The following DNAH10 variants were observed in gnomAD, a reference collection of about 807,000 sequenced individuals.
DNAH10 encodes axonemal beta dynein heavy chain 10.
A neutral mutation model predicts 506.6 loss-of-function variants in DNAH10; 348 were observed. The observed-to-expected ratio is 0.69, with a 90% CI of 0.63 to 0.75. The LOEUF is 0.75. DNAH10 is among the 30% of genes least tolerant of loss of function. The probability of loss-of-function intolerance (pLI) is 0.00; values close to 1 mark genes in which losing one functional copy is unlikely to be tolerated. For missense variants in DNAH10, 5,179 were observed against 5,787.1 expected (o/e 0.89, Z 3.41); for synonymous variants, 2,059 against 2,198.6 (o/e 0.94, Z 1.78).
intron 18 of DNAH10, among the ~76,000 whole-genome samples, chr12:123,807,131 TCATC>T (rs1037747667): frequency 6.6e-6 from 1 of 151,880 alleles, no homozygotes; most frequent in Non-Finnish European, 1.5e-5. Flanking sequence ...CATCCATCCA[TCATC>T]CATCCATCCA....
At chr12:123,857,458 A>C (rs1192147564) in intron 37 of DNAH10, among the ~76,000 whole-genome samples, 1 of 152,256 alleles carries the variant, frequency 6.6e-6, no homozygotes, top group Non-Finnish European at 1.5e-5. Flanking sequence ...GGCCGGGCAC[A>C]GTGGCTTACG....
chr12:123,911,910 T>C (rs1374669324), intron 59 of DNAH10, among the ~76,000 whole-genome samples: 1 of 15,608 alleles, frequency 6.4e-5, no homozygotes, highest in Non-Finnish European at 1.2e-4. Context: ...CCGGGGGGTC[T>C]GTCCCGGGGG....
intron 21 of DNAH10, among the ~76,000 whole-genome samples, chr12:123,815,538 G>A (rs1299137956): frequency 6.6e-6 from 1 of 152,054 alleles, no homozygotes; most frequent in Non-Finnish European, 1.5e-5. Flanking sequence ...AGGAATTCCT[G>A]TACGAGGCTG....
rs761638565 is a variant in DNAH10 at position 123,879,659 on chromosome 12, T to C, written c.8492T>C (p.Val2831Ala). 4 of 1,614,032 alleles carry C rather than the reference T, an allele frequency of 2.5e-6. No homozygotes were observed. The South Asian group carries it at 3.3e-5, about 13-fold the overall frequency. Reference sequence around the variant, plus strand: ...GTACAACAGCACATAGGCAGCTTGGTTGTGGAACATTTTAAAGATGACGTG... The same window carrying C: ...GTACAACAGCACATAGGCAGCTTGGCTGTGGAACATTTTAAAGATGACGTG... ...QLVQQHIGSLVVEHFKDDVEV... is the reference protein window; with the variant it reads ...QLVQQHIGSLAVEHFKDDVEV... The change falls in exon 50 of 79, where the codon GTT (valine) becomes GCT (alanine). Residue 2831 changes from valine to alanine, a missense_variant. By Grantham distance (64) the Val-to-Ala change is moderately conservative. This residue lies in a region of DNAH10 where 4,844 missense variants were observed against 5,430.5 expected (regional missense o/e 0.89). Coordinates refer to ENST00000673944, the MANE Select transcript of DNAH10 (RefSeq NM_001372106.1).
chr12:123,791,688 C>T (rs554635146), intron 11 of DNAH10, among the ~76,000 whole-genome samples: 19 of 152,078 alleles, frequency 1.2e-4, no homozygotes, highest in South Asian at 4.2e-4. Context: ...GTGATCCTTC[C>T]GCCTCAGCCT....
intron 43 of DNAH10, among the ~76,000 whole-genome samples, chr12:123,868,406 A>T (rs1340892220): frequency 6.6e-6 from 1 of 151,972 alleles, no homozygotes; most frequent in African/African-American, 2.4e-5. Context: ...TAAACTTTTC[A>T]CATTCTGCAT....
chr12:123,886,238 G>A (rs904955769), intron 51 of DNAH10, among the ~76,000 whole-genome samples: 1 of 152,176 alleles, frequency 6.6e-6, no homozygotes, highest in Non-Finnish European at 1.5e-5. Context: ...ACAGCAGAGA[G>A]GATGTTGAGG....
intron 58 of DNAH10, 99 bp from the exon 59 acceptor site, chr12:123,910,437 C>T (rs1168759986): frequency 4.1e-5 from 59 of 1,447,080 alleles, no homozygotes; most frequent in Non-Finnish European, 5.2e-5. Flanking sequence ...GCTCACAGGG[C>T]CACTGAAGAA....
chr12:123,845,726 T>C lies in DNAH10; in HGVS notation c.5487T>C (p.Tyr1829=), dbSNP rs752303608. 2 of 1,613,296 alleles carry C rather than the reference T, an allele frequency of 1.2e-6. No homozygotes were observed. The highest frequency in any genetic ancestry group is 2.2e-5 in the South Asian group (2 of 90,986). The change falls in exon 31 of 79, where the codon TAT becomes TAC. Residue 1829 remains tyrosine, a synonymous_variant. Coordinates refer to ENST00000673944, the MANE Select transcript of DNAH10 (RefSeq NM_001372106.1). ...QKGEKQAMKN[Y]GRKMHRQIDE... is the part of the protein sequence containing the mutation. ...GGGAGAAGCAGGCCATGAAGAACTA[T>C]GGCAGGAAAATGCACCGGCAGATCG...
Position 123,893,241 on chromosome 12 carries a change from C to T in DNAH10, c.9004C>T (p.Pro3002Ser), listed in dbSNP as rs369864472. The T allele has an allele frequency of 1.7e-5, 28 of 1,613,826 alleles. No individual in the cohort carries two copies. The highest frequency in any genetic ancestry group is 2.4e-5 in the Non-Finnish European group (28 of 1,179,860). The change falls in exon 53 of 79, where the codon CCT becomes TCT. Residue 3002 changes from proline to serine, a missense_variant. This residue lies in a region of DNAH10 where 4,844 missense variants were observed against 5,430.5 expected (regional missense o/e 0.89). Coordinates refer to ENST00000673944, the MANE Select transcript of DNAH10 (RefSeq NM_001372106.1). ...INNMLTSGIV[P>S]ALFSEEEKES... is the part of the protein sequence containing the mutation. Reference sequence around the variant, plus strand: ...ATGTCTTCCTTTTCCAGGAATTGTACCTGCGCTTTTTTCTGAAGAGGAGAA... The same window carrying T: ...ATGTCTTCCTTTTCCAGGAATTGTATCTGCGCTTTTTTCTGAAGAGGAGAA...
chr12:123,844,566 A>G (rs771270316), intron 30 of DNAH10, among the ~76,000 whole-genome samples: 4 of 152,198 alleles, frequency 2.6e-5, no homozygotes, highest in Admixed American at 1.3e-4. Context: ...ACTGGCAAAA[A>G]TTCAAAAGCG....
chr12:123,769,626 C>T lies in DNAH10; in HGVS notation c.298+1937C>T, dbSNP rs547156301. 2.0e-3 allele frequency among the ~76,000 whole-genome samples: 311 copies of T among 152,252 alleles called. 1 individual carries two copies. Among genetic ancestry groups the T allele is most frequent in the Non-Finnish European group, 3.7e-3 (250 of 68,026 alleles). Reference sequence around the variant, plus strand: ...GGAAGAGCTGTTTAGGTGGGAAGGTCGGGGAAGTCCTTTCTCATAAAGTAA... The same window carrying T: ...GGAAGAGCTGTTTAGGTGGGAAGGTTGGGGAAGTCCTTTCTCATAAAGTAA... On this transcript the variant is annotated intron_variant, in intron 2 of 78. Transcript: ENST00000673944.
chr12:123,864,343 C>T (rs1307018733), intron 39 of DNAH10, among the ~76,000 whole-genome samples: 1 of 151,790 alleles, frequency 6.6e-6, no homozygotes, highest in Non-Finnish European at 1.5e-5. Flanking sequence ...GACGGGGTTT[C>T]ACTATGTTGG....
intron 30 of DNAH10, among the ~76,000 whole-genome samples, 165 bp downstream of exon 30, chr12:123,841,710 A>G (rs1409270240): frequency 6.6e-6 from 1 of 152,042 alleles, no homozygotes; most frequent in Non-Finnish European, 1.5e-5. Context: ...TTTTTTTGAG[A>G]CAGGATCTTG....
chr12:123,817,898 CT>C (rs1258804181), intron 21 of DNAH10, among the ~76,000 whole-genome samples: 1 of 150,940 alleles, frequency 6.6e-6, no homozygotes, highest in Non-Finnish European at 1.5e-5. Flanking sequence ...TGAAGCTGGG[CT>C]TTAGTTTATG....
At chr12:123,867,172 G>C (rs965664970) in intron 41 of DNAH10, among the ~76,000 whole-genome samples, 12 of 152,146 alleles carry the variant, frequency 7.9e-5, no homozygotes, top group African/African-American at 2.2e-4. Flanking sequence ...TGAACTCTAA[G>C]ATGATCAGCC....
intron 5 of DNAH10, among the ~76,000 whole-genome samples, chr12:123,778,251 A>G (rs1957516583): frequency 6.6e-6 from 1 of 151,872 alleles, no homozygotes; most frequent in Non-Finnish European, 1.5e-5. Context: ...AACATGATGT[A>G]TAATTAATTC....
intron 3 of DNAH10, among the ~76,000 whole-genome samples, chr12:123,772,543 A>G (rs955243031): frequency 6.6e-6 from 1 of 152,206 alleles, no homozygotes; most frequent in African/African-American, 2.4e-5. Context: ...CTTCATAAGT[A>G]CGTCCCATCT....
intron 59 of DNAH10, 87 bp downstream of exon 59, chr12:123,910,759 C>A (rs1412698625): frequency 2.0e-6 from 3 of 1,504,684 alleles, no homozygotes; most frequent in South Asian, 1.3e-5. Flanking sequence ...TGCTGAAAAA[C>A]TTCTCCCGAG....
Sources: gnomAD v4.1 joint callset for allele counts (sites outside exome capture counted in the v4.1 genomes callset) on GRCh38, gnomAD v4.1.1 for gene constraint, gnomAD v4.1.1 regional missense constraint, MANE v1.5 for transcripts, NCBI Gene and HGNC (gene_info 2026-07-23, HGNC 2026-07-21) for gene names.